LPO: variants seen among roughly 807,000 people sequenced by gnomAD.
LPO encodes the protein salivary peroxidase.
In LPO, 70 loss-of-function variants were observed where a neutral mutation model predicts 68.4. The ratio of observed to expected loss-of-function variants is 1.02; its 90% CI spans 0.84 to 1.25. The LOEUF is 1.25. Among genes scored for constraint, LPO ranks in the 50% most tolerant of loss-of-function variants. LPO has a pLI of 0.00. For missense variants in LPO, 873 were observed against 908.4 expected, an observed-to-expected ratio of 0.96 and a Z score of 0.50; for synonymous variants, 360 against 357.6, an observed-to-expected ratio of 1.01 and a Z score of -0.08.
At chr17:58,241,799 C>T (rs1598017984) in intron 1 of LPO, among the ~76,000 whole-genome samples, 3 of 152,174 alleles carry the variant, frequency 2.0e-5, no homozygotes. Flanking sequence ...TGGAGGCAGG[C>T]AGGGGTGAAG....
At chr17:58,247,392 TAC>T in intron 3 of LPO, 84 bp from the exon 4 acceptor site, 1 of 1,284,606 alleles carries the variant, frequency 7.8e-7, no homozygotes, top group Non-Finnish European at 1.1e-6. Flanking sequence ...GGCCATGTTG[TAC>T]ACACACCCCT....
intron 9 of LPO, among the ~76,000 whole-genome samples, chr17:58,259,845 C>T (rs1251218103): frequency 5.3e-5 from 8 of 152,168 alleles, no homozygotes; most frequent in Non-Finnish European, 1.0e-4. Context: ...TGTTTTGAGA[C>T]GGAGTCTTGC....
intron 9 of LPO, among the ~76,000 whole-genome samples, chr17:58,263,134 T>A (rs1333583481): frequency 6.6e-6 from 1 of 152,254 alleles, no homozygotes; most frequent in Non-Finnish European, 1.5e-5. Context: ...CAAGCTTTTT[T>A]AAAATTTCAG....
intron 9 of LPO, among the ~76,000 whole-genome samples, chr17:58,262,925 C>T (rs1211590956): frequency 6.6e-6 from 1 of 152,190 alleles, no homozygotes; most frequent in East Asian, 1.9e-4. Context: ...TTCAGTTTCA[C>T]CCCCTTTCTC....
At chr17:58,267,748 C>T (rs776368256) in intron 12 of LPO, 39 bp from the exon 13 acceptor site, 11 of 1,580,264 alleles carry the variant, frequency 7.0e-6, no homozygotes, top group South Asian at 3.3e-5. Flanking sequence ...GAGGGGCCAG[C>T]GGCCAGACTG....
At chr17:58,258,296 C>G (rs998006821) in intron 9 of LPO, among the ~76,000 whole-genome samples, 3 of 152,144 alleles carry the variant, frequency 2.0e-5, no homozygotes, top group African/African-American at 7.2e-5. Flanking sequence ...TGTCTTTAAT[C>G]CATTTTGATT....
chr17:58,247,402 C>A (rs1035543454), intron 3 of LPO, 76 bp from the exon 4 acceptor site: 1 of 1,361,234 alleles, frequency 7.3e-7, no homozygotes, highest in East Asian at 2.4e-5. Flanking sequence ...TACACACACC[C>A]CTCCCACCCC....
rs764179599 is a variant in LPO at position 58,247,555 on chromosome 17, C to T, written c.242C>T (p.Thr81Met). 66 of 1,614,050 alleles carry T rather than the reference C, an allele frequency of 4.1e-5. No homozygotes were observed. Among genetic ancestry groups the T allele is most frequent in the Middle Eastern group, 1.6e-4 (1 of 6,084 alleles). Residue 81 changes from threonine (T) to methionine (M), a missense_variant, in exon 4 of 13, where the codon ACG becomes ATG. Physicochemically the swap from Thr to Met is moderately conservative, Grantham distance 81 (BLOSUM62 -1). Transcript: ENST00000262290. ...TACCTCAAGCATGCCAAAGGCCGGA[C>T]GCGCACAGCCATCCGCAATGGACAG... ...SEYLKHAKGR[T>M]RTAIRNGQVW...
chr17:58,262,940 G>A (rs1970200626), intron 9 of LPO, among the ~76,000 whole-genome samples: 1 of 152,076 alleles, frequency 6.6e-6, no homozygotes, highest in East Asian at 1.9e-4. Context: ...TTTCTCCTCT[G>A]TTTCTGGAAC....
At chr17:58,239,028 C>A (rs1010601677) in intron 1 of LPO, among the ~76,000 whole-genome samples, 1 of 152,072 alleles carries the variant, frequency 6.6e-6, no homozygotes, top group Non-Finnish European at 1.5e-5. Context: ...CTCTTATCCA[C>A]CTTGTTTAGG....
At chr17:58,243,232 C>A in intron 2 of LPO, 177 bp downstream of exon 2, 2 of 583,412 alleles carry the variant, frequency 3.4e-6, no homozygotes, top group East Asian at 6.0e-5. Context: ...TTCCTTTCTT[C>A]TTCCAGCTTC....
At chr17:58,265,170 A>G (rs1970240503) in intron 10 of LPO, among the ~76,000 whole-genome samples, 196 bp downstream of exon 10, 1 of 152,248 alleles carries the variant, frequency 6.6e-6, no homozygotes. Flanking sequence ...TATCCAAAAC[A>G]TTAAATGAGA....
At chr17:58,265,241 G>A (rs1022081613) in intron 10 of LPO, among the ~76,000 whole-genome samples, 1 of 152,158 alleles carries the variant, frequency 6.6e-6, no homozygotes, top group African/African-American at 2.4e-5. Context: ...ATAAATATAA[G>A]CTATTCTTTC....
Position 58,258,780 on chromosome 17 carries a change from A to T in LPO, c.1266+3809A>T, listed in dbSNP as rs1028725971. On this transcript the variant is annotated intron_variant, in intron 9 of 12. Coordinates refer to ENST00000262290, the MANE Select transcript of LPO (RefSeq NM_006151.3). ...GTTTTATCCTTTCTGATAGGTGTGT[A>T]GTAATAGCTCATTGTTTTAATTTGC... is the stretch of plus-strand genomic sequence containing the variant. Among the ~76,000 whole-genome samples, 14 of 152,322 alleles carry T rather than the reference A, an allele frequency of 9.2e-5. 1 individual carries two copies. The highest frequency in any genetic ancestry group is 8.5e-4 in the Admixed American group (13 of 15,294).
chr17:58,256,623 G>A (rs1970077345), intron 9 of LPO, among the ~76,000 whole-genome samples: 2 of 151,970 alleles, frequency 1.3e-5, no homozygotes, highest in South Asian at 2.1e-4. Flanking sequence ...AGACCATCCC[G>A]GCCAACATGG....
Position 58,267,586 on chromosome 17 carries a change from G to A in LPO, c.1931G>A (p.Arg644Lys), listed in dbSNP as rs775514921. Residue 644 changes from arginine (R) to lysine (K), a missense_variant and splice_region_variant, in exon 12 of 13, where the codon AGG becomes AAG. Arg to Lys is a conservative substitution (Grantham distance 26, BLOSUM62 2). Coordinates refer to ENST00000262290, the MANE Select transcript of LPO (RefSeq NM_006151.3). ...TTCCAGCAGATCCGTGATGGAGACA[G>A]GCAAGTGCGTCCTCAGCCAGGGAGG... is the stretch of plus-strand genomic sequence containing the variant. ...KQFQQIRDGD[R>K]FWWENPGVFT... The A allele has an allele frequency of 3.7e-6, 6 of 1,603,826 alleles. No homozygotes were observed. Among genetic ancestry groups the A allele is most frequent in the Non-Finnish European group, 2.6e-6 (3 of 1,173,220 alleles).
At chr17:58,262,524 G>C (rs1250451776) in intron 9 of LPO, among the ~76,000 whole-genome samples, 1 of 152,124 alleles carries the variant, frequency 6.6e-6, no homozygotes, top group Admixed American at 6.5e-5. Flanking sequence ...CGAGTAGCTG[G>C]GATTACCGAT....
Position 58,245,853 on chromosome 17 carries a change from C to G in LPO, c.165-1625C>G, listed in dbSNP as rs190563047. Among the ~76,000 whole-genome samples, 275 of 152,292 alleles carry G rather than the reference C, an allele frequency of 1.8e-3. 2 individuals are homozygous for G. The highest frequency in any genetic ancestry group is 5.9e-3 in the African/African-American group (245 of 41,558). ...TCAAGATGGGGGACAGCATAAAAGC[C>G]ACAAAACCGGTGTTCATACACCTCC... On this transcript the variant is annotated intron_variant, in intron 3 of 12. Coordinates refer to ENST00000262290, the MANE Select transcript of LPO (RefSeq NM_006151.3).
At chr17:58,243,647 C>G (rs1969799511) in intron 2 of LPO, 1 of 350,416 alleles carries the variant, frequency 2.9e-6, no homozygotes, top group Non-Finnish European at 5.3e-6. Context: ...CTTTGATGAA[C>G]TTGAGATAGT....
Sources: allele counts gnomAD v4.1 joint callset (sites outside exome capture counted in the v4.1 genomes callset), GRCh38; gene constraint gnomAD v4.1.1; transcripts MANE v1.5; gene names NCBI Gene and HGNC (gene_info 2026-07-23, HGNC 2026-07-21).